GRIN2B: variants seen among roughly 807,000 people sequenced by gnomAD.
GRIN2B encodes the protein glutamate receptor ionotropic, NMDA 2B.
In GRIN2B, 5 loss-of-function variants were observed where a neutral mutation model predicts 114.5. That is an observed-to-expected ratio of 0.04 (90% CI 0.02 to 0.09). The LOEUF is 0.09. Among genes scored for constraint, GRIN2B ranks in the 10% least tolerant of loss-of-function variants. The pLI, the probability that GRIN2B is intolerant of heterozygous loss-of-function variation, is 1.00. For synonymous variants in GRIN2B, 787 were observed against 745.1 expected, an observed-to-expected ratio of 1.06 and a Z score of -0.92; for missense variants, 1,108 against 1,943.5, an observed-to-expected ratio of 0.57 and a Z score of 8.08.
intron 2 of GRIN2B, among the ~76,000 whole-genome samples, chr12:13,933,223 A>C (rs1216378860): frequency 6.6e-6 from 1 of 152,106 alleles, no homozygotes; most frequent in African/African-American, 2.4e-5. Context: ...TACCTTTAAC[A>C]AACTCTCTTC....
intron 3 of GRIN2B, among the ~76,000 whole-genome samples, chr12:13,848,423 G>A (rs956236286): frequency 1.3e-5 from 2 of 152,054 alleles, no homozygotes; most frequent in African/African-American, 4.8e-5. Flanking sequence ...AGGAGCAGAG[G>A]GAAGCAGGAA....
chr12:13,734,000 C>T (rs997864149), intron 4 of GRIN2B, among the ~76,000 whole-genome samples: 4 of 152,124 alleles, frequency 2.6e-5, no homozygotes, highest in Admixed American at 2.0e-4. Context: ...TGCTTCTTGC[C>T]ACTATACCAT....
intron 2 of GRIN2B, among the ~76,000 whole-genome samples, chr12:13,914,929 GA>G (rs1416355425): frequency 9.2e-5 from 14 of 152,162 alleles, no homozygotes; most frequent in African/African-American, 1.4e-4. Context: ...GTAGAGGAAA[GA>G]GGGGATAAAG....
chr12:13,944,053 T>G (rs1349519980), intron 2 of GRIN2B, among the ~76,000 whole-genome samples: 1 of 152,192 alleles, frequency 6.6e-6, no homozygotes, highest in Non-Finnish European at 1.5e-5. Flanking sequence ...ACTTTAAGTT[T>G]CATTTGTAAA....
intron 3 of GRIN2B, among the ~76,000 whole-genome samples, chr12:13,768,756 C>T (rs939086989): frequency 7.2e-5 from 11 of 152,288 alleles, no homozygotes; most frequent in African/African-American, 2.4e-4. Context: ...AAGCAGGTGG[C>T]CGGCACGGTG....
At chr12:13,707,731 G>A (rs1031629335) in intron 4 of GRIN2B, among the ~76,000 whole-genome samples, 3 of 151,812 alleles carry the variant, frequency 2.0e-5, no homozygotes, top group Non-Finnish European at 2.9e-5. Flanking sequence ...TACAAAACAC[G>A]GCTGCTTTGT....
chr12:13,622,978 C>T (rs1377774002), intron 5 of GRIN2B, among the ~76,000 whole-genome samples: 1 of 152,216 alleles, frequency 6.6e-6, no homozygotes, highest in Non-Finnish European at 1.5e-5. Flanking sequence ...TTCTTTGTAA[C>T]CAAGTGAACA....
At chr12:13,825,758 CT>C (rs1396131009) in intron 3 of GRIN2B, among the ~76,000 whole-genome samples, 1 of 151,920 alleles carries the variant, frequency 6.6e-6, no homozygotes, top group African/African-American at 2.4e-5. Flanking sequence ...CTCAGGTGAT[CT>C]GCCCACCTCG....
At chr12:13,735,234 C>G (rs1479284933) in intron 4 of GRIN2B, among the ~76,000 whole-genome samples, 1 of 152,206 alleles carries the variant, frequency 6.6e-6, no homozygotes, top group Non-Finnish European at 1.5e-5. Flanking sequence ...TCATACCCAA[C>G]TTGATTTGAG....
intron 2 of GRIN2B, among the ~76,000 whole-genome samples, chr12:13,948,769 T>C (rs936059761): frequency 6.6e-6 from 1 of 152,068 alleles, no homozygotes; most frequent in African/African-American, 2.4e-5. Context: ...ACTCAAAAGT[T>C]GTGGTGCTGC....
In GRIN2B at chr12:13,944,384, C is replaced by A. The variant is rs536287911; in HGVS notation, c.-19+35544G>T. On this transcript the variant is annotated intron_variant, in intron 2 of 13. Coordinates refer to ENST00000609686, the MANE Select transcript of GRIN2B (RefSeq NM_000834.5). ...CTACAGATAGAATCCTTGTCCATGC[C>A]CCAAGGTAGCTTCCCAACAGAAGCA... 3.2e-4 allele frequency among the ~76,000 whole-genome samples: 48 copies of A among 152,224 alleles called. 1 individual carries two copies. The highest frequency in any genetic ancestry group is 1.1e-3 in the African/African-American group (44 of 41,524).
intron 5 of GRIN2B, among the ~76,000 whole-genome samples, chr12:13,622,849 A>T (rs984746404): frequency 1.3e-5 from 2 of 152,244 alleles, no homozygotes; most frequent in African/African-American, 4.8e-5. Flanking sequence ...GCAGAGCCTC[A>T]GGACCTAATT....
At chr12:13,973,357 G>A (rs1862962843) in intron 2 of GRIN2B, among the ~76,000 whole-genome samples, 3 of 152,180 alleles carry the variant, frequency 2.0e-5, no homozygotes, top group Admixed American at 6.5e-5. Flanking sequence ...AGAGGATGGC[G>A]TGTAGACAGC....
chr12:13,836,909 G>A (rs1865279302), intron 3 of GRIN2B, among the ~76,000 whole-genome samples: 1 of 152,168 alleles, frequency 6.6e-6, no homozygotes, highest in Non-Finnish European at 1.5e-5. Flanking sequence ...GTACGGCCCG[G>A]GGAATGGAGA....
At chr12:13,688,765 C>T (rs1950190752) in intron 4 of GRIN2B, among the ~76,000 whole-genome samples, 1 of 152,132 alleles carries the variant, frequency 6.6e-6, no homozygotes, top group Admixed American at 6.6e-5. Flanking sequence ...TCCAAATTCT[C>T]TCTGGACTTA....
chr12:13,752,781 A>C (rs186552605), intron 4 of GRIN2B, among the ~76,000 whole-genome samples: 2 of 152,324 alleles, frequency 1.3e-5, no homozygotes, highest in East Asian at 3.9e-4. Flanking sequence ...TAAAGAAAGA[A>C]TATCCTTCAT....
In GRIN2B at chr12:13,561,697, CTG is replaced by C; in HGVS notation, c.*1084_*1085del. On this transcript the variant is annotated 3_prime_UTR_variant, in exon 14 of 14. Coordinates refer to ENST00000609686, the MANE Select transcript of GRIN2B (RefSeq NM_000834.5). ...CCAAGTGTGGGCAAAAGAATCATGG[CTG>C]TGAAAATTCGGTTTCCCTTTAGCCT... The C allele has an allele frequency of 6.5e-6, 1 of 152,782 alleles. No homozygotes were observed. The highest frequency in any genetic ancestry group is 2.4e-5 in the African/African-American group (1 of 41,586). The allele number at this position is 152,782 out of a possible 1,614,324, so 9.5% of individuals were successfully genotyped here. A position where few individuals can be genotyped will look rare whatever the true frequency, so the allele number is the denominator to read the frequency against.
intron 5 of GRIN2B, among the ~76,000 whole-genome samples, chr12:13,658,013 C>A (rs1374857054): frequency 6.6e-6 from 1 of 152,104 alleles, no homozygotes; most frequent in Non-Finnish European, 1.5e-5. Context: ...TGAGACCAGC[C>A]TGACCAACAT....
chr12:13,768,988 C>T (rs1034645036), intron 3 of GRIN2B, among the ~76,000 whole-genome samples: 1 of 152,066 alleles, frequency 6.6e-6, no homozygotes, highest in African/African-American at 2.4e-5. Context: ...GAGCCGAGAT[C>T]GCACCACTGC....
Sources: gnomAD v4.1 joint callset for allele counts (sites outside exome capture counted in the v4.1 genomes callset) on GRCh38, gnomAD v4.1.1 for gene constraint, MANE v1.5 for transcripts, NCBI Gene and HGNC (gene_info 2026-07-23, HGNC 2026-07-21) for gene names.